Variants in MDFI observed in about 807,000 individuals in gnomAD.
The protein encoded by MDFI is inhibitor of MyoD family a.
In MDFI, 16 loss-of-function variants were observed where a neutral mutation model predicts 22.3. The ratio of observed to expected loss-of-function variants is 0.72; its 90% CI spans 0.49 to 1.09. The LOEUF (loss-of-function observed/expected upper bound fraction) is 1.09. Among genes scored for constraint, MDFI ranks in the 50% least tolerant of loss-of-function variants. MDFI has a pLI of 0.00. For missense variants in MDFI, 314 were observed against 326.1 expected (o/e 0.96, Z 0.29); for synonymous variants, 145 against 142.7 (o/e 1.02, Z -0.12).
Position 41,638,474 on chromosome 6 carries a change from A to G in MDFI, c.-190A>G. On this transcript the variant is annotated 5_prime_UTR_variant, in exon 1 of 5. Transcript: ENST00000230321. The surrounding 1 kb of genome is among the most constrained non-coding windows in gnomAD (Gnocchi z 7.6). ...GGCTGGAGGGAGAGAAGGAAGAAGGAAGGGGCGAACGGCGTGAGCTGGCGC... is the reference window on the plus strand; with the variant it reads ...GGCTGGAGGGAGAGAAGGAAGAAGGGAGGGGCGAACGGCGTGAGCTGGCGC... The G allele has an allele frequency of 4.1e-6, 2 of 484,994 alleles. No individual in the cohort carries two copies. The highest frequency in any genetic ancestry group is 7.3e-6 in the Non-Finnish European group (2 of 274,636). 30.0% of individuals were successfully genotyped at this position (484,994 alleles called of 1,614,324 possible).
At chr6:41,650,050 C>T (rs368825022) in intron 4 of MDFI, 3 of 571,106 alleles carry the variant, frequency 5.3e-6, no homozygotes, top group South Asian at 4.6e-5. Flanking sequence ...ATCTTAGAAC[C>T]TTGCAAAGTA....
intron 2 of MDFI, among the ~76,000 whole-genome samples, chr6:41,642,713 AG>A (rs938714313): frequency 6.6e-6 from 1 of 152,028 alleles, no homozygotes; most frequent in African/African-American, 2.4e-5. Context: ...GTGTGTCTCC[AG>A]GTCAGGATTA....
At chr6:41,644,584 C>A (rs1767978029) in intron 2 of MDFI, among the ~76,000 whole-genome samples, 3 of 152,106 alleles carry the variant, frequency 2.0e-5, no homozygotes, top group Admixed American at 2.0e-4. Flanking sequence ...CCCAGGGAGG[C>A]AGCTGGGCCA....
chr6:41,647,502 T>C (rs1768094359), intron 3 of MDFI, among the ~76,000 whole-genome samples: 1 of 152,176 alleles, frequency 6.6e-6, no homozygotes, highest in African/African-American at 2.4e-5. Flanking sequence ...CCACTAACCA[T>C]AGCCTTAACC....
rs930559485 is a variant in MDFI, at chr6:41,648,463, C to T, written c.260-1156C>T. ...TGACTGCTGCCATCACTGGAAGACC[C>T]GGCCTCTTCAGCCAAGGGAGGCACC... On this transcript the variant is annotated intron_variant, in intron 3 of 4. Coordinates refer to ENST00000230321, the MANE Select transcript of MDFI (RefSeq NM_005586.4). Among the ~76,000 whole-genome samples, 9 of 152,316 alleles carry T rather than the reference C, an allele frequency of 5.9e-5. No homozygotes were observed. In the South Asian group the frequency reaches 1.0e-3, roughly 18 times the overall value.
chr6:41,644,476 T>A (rs967040414), intron 2 of MDFI, among the ~76,000 whole-genome samples: 1 of 152,158 alleles, frequency 6.6e-6, no homozygotes, highest in Non-Finnish European at 1.5e-5. Flanking sequence ...ATGGGGCCTC[T>A]GGGGCGTCCA....
chr6:41,646,442 A>G lies in MDFI; in HGVS notation c.259+134A>G, dbSNP rs1025335038. The G allele has an allele frequency of 1.1e-5, 8 of 717,510 alleles. No homozygotes were observed. In the South Asian group the frequency reaches 2.9e-4, roughly 26 times the overall value. 44.4% of individuals were successfully genotyped at this position (717,510 alleles called of 1,614,324 possible). ...GAGTGTGGCAGCACAGGCAGCAGAA[A>G]GGGGAAGGGCACTGTCACTGTGCTT... On this transcript the variant is annotated intron_variant, in intron 3 of 4. Transcript: ENST00000230321.
At chr6:41,639,696 G>A (rs1767777381) in intron 2 of MDFI, 1 of 985,318 alleles carries the variant, frequency 1.0e-6, no homozygotes, top group South Asian at 4.7e-5. Flanking sequence ...TTCATAATTG[G>A]AATCTCCACT....
chr6:41,639,876 T>G (rs1767784395), intron 2 of MDFI: 1 of 984,316 alleles, frequency 1.0e-6, no homozygotes, highest in Admixed American at 6.2e-5. Context: ...GAAGCCGGCC[T>G]GCCTGCCTGT....
At chr6:41,652,608 C>CTTTTTTTTT (rs3050047) in intron 4 of MDFI, among the ~76,000 whole-genome samples, 2 of 84,408 alleles carry the variant, frequency 2.4e-5, no homozygotes, top group Non-Finnish European at 4.2e-5. Flanking sequence ...CTCTCCCTCT[C>CTTTTTTTTT]TTTTTTTTTT....
At position 41,638,913 on chromosome 6, in the gene MDFI, C is replaced by T. The variant is rs371345099; in HGVS notation, c.76+88C>T. ...ATTAGTTCTCCTCTCCGTCCCCAGA[C>T]GCGGGGAGACCGTTCCAGGGAGCTT... On this transcript the variant is annotated intron_variant, in intron 2 of 4. Transcript: ENST00000230321. This position sits in a 1 kb window ranked among gnomAD's most constrained non-coding sequence, Gnocchi z 7.6. The T allele has an allele frequency of 4.4e-6, 6 of 1,362,482 alleles. No homozygotes were observed. The highest frequency in any genetic ancestry group is 5.2e-5 in the East Asian group (2 of 38,212). 84.4% of individuals were successfully genotyped at this position (1,362,482 alleles called of 1,614,324 possible).
At chr6:41,639,928 C>T (rs574188498) in intron 2 of MDFI, 1 of 985,232 alleles carries the variant, frequency 1.0e-6, no homozygotes, top group African/African-American at 1.7e-5. Context: ...TTGGTATGGA[C>T]GCCTAGTTGT....
At chr6:41,643,055 CTGTG>C (rs1456011293) in intron 2 of MDFI, among the ~76,000 whole-genome samples, 1 of 152,204 alleles carries the variant, frequency 6.6e-6, no homozygotes, top group Non-Finnish European at 1.5e-5. Flanking sequence ...AGTGTCACCT[CTGTG>C]AGCCCTGGTG....
intron 3 of MDFI, among the ~76,000 whole-genome samples, 154 bp from the exon 4 acceptor site, chr6:41,649,465 C>T (rs1020341468): frequency 6.6e-6 from 1 of 152,258 alleles, no homozygotes; most frequent in Non-Finnish European, 1.5e-5. Flanking sequence ...GTCATTTCTT[C>T]TCTCTGGGCC....
intron 2 of MDFI, among the ~76,000 whole-genome samples, chr6:41,643,903 C>T (rs1286065906): frequency 1.3e-5 from 2 of 152,200 alleles, no homozygotes; most frequent in African/African-American, 4.8e-5. Flanking sequence ...CTGCTTCTCA[C>T]TCAGGTCTTT....
intron 4 of MDFI, among the ~76,000 whole-genome samples, chr6:41,651,400 T>C (rs1768267181): frequency 6.7e-6 from 1 of 148,928 alleles, no homozygotes; most frequent in African/African-American, 2.5e-5. Context: ...AGGTGATGTC[T>C]GAACATGCCT....
chr6:41,644,263 G>T (rs556862990), intron 2 of MDFI, among the ~76,000 whole-genome samples: 72 of 152,306 alleles, frequency 4.7e-4, no homozygotes, highest in African/African-American at 1.7e-3. Context: ...AGATGGAGCT[G>T]AAAGGAACCC....
At chr6:41,641,692 G>T (rs1041028671) in intron 2 of MDFI, among the ~76,000 whole-genome samples, 1 of 152,154 alleles carries the variant, frequency 6.6e-6, no homozygotes, top group African/African-American at 2.4e-5. Flanking sequence ...CCAGATCCAC[G>T]GTCCACAAAG....
chr6:41,651,324 C>T lies in MDFI; in HGVS notation c.484+1481C>T, dbSNP rs902760277. On this transcript the variant is annotated intron_variant, in intron 4 of 4. Coordinates refer to ENST00000230321, the MANE Select transcript of MDFI (RefSeq NM_005586.4). ...AATGATAAACTCATGCAGAGGATTA[C>T]GCAAACACAGGGGGACCACTCACAC... Among the ~76,000 whole-genome samples, 13 of 149,196 alleles carry T rather than the reference C, an allele frequency of 8.7e-5. 2 individuals carry two copies. Among genetic ancestry groups the T allele is most frequent in the African/African-American group, 3.3e-4 (13 of 39,824 alleles).
Sources: allele counts gnomAD v4.1 joint callset (sites outside exome capture counted in the v4.1 genomes callset), GRCh38; gene constraint gnomAD v4.1.1; non-coding constraint Gnocchi (gnomAD v3.1); transcripts MANE v1.5; gene names NCBI Gene and HGNC (gene_info 2026-07-23, HGNC 2026-07-21).